MAMDC2: variants seen among roughly 807,000 people sequenced by gnomAD.
The protein encoded by MAMDC2 is MAM domain containing 2.
A neutral mutation model predicts 89.8 loss-of-function variants in MAMDC2; 57 were observed. The observed-to-expected ratio is 0.63, with a 90% CI of 0.51 to 0.79. The LOEUF is 0.79. Among genes scored for constraint, MAMDC2 ranks in the 30% least tolerant of loss-of-function variants. The pLI is 0.00. For missense variants in MAMDC2, 800 were observed against 820.6 expected, an observed-to-expected ratio of 0.97 and a Z score of 0.31; for synonymous variants, 313 against 293.4, an observed-to-expected ratio of 1.07 and a Z score of -0.68.
chr9:70,070,117 T>C (rs1335043823), intron 2 of MAMDC2, among the ~76,000 whole-genome samples: 1 of 152,212 alleles, frequency 6.6e-6, no homozygotes, highest in African/African-American at 2.4e-5. Flanking sequence ...AAATCCTTCC[T>C]TGGCCAGTAA....
At chr9:70,099,938 G>T (rs1828123072) in intron 2 of MAMDC2, among the ~76,000 whole-genome samples, 1 of 150,916 alleles carries the variant, frequency 6.6e-6, no homozygotes, top group African/African-American at 2.4e-5. Flanking sequence ...TTACGCCACT[G>T]CACTCCCGTC....
chr9:70,175,408 A>G (rs1308264920), intron 11 of MAMDC2, among the ~76,000 whole-genome samples: 3 of 152,228 alleles, frequency 2.0e-5, no homozygotes, highest in African/African-American at 7.2e-5. Flanking sequence ...CGTTCTGAGT[A>G]GCCTGATAAA....
chr9:70,164,473 A>C (rs2032098745), intron 9 of MAMDC2, among the ~76,000 whole-genome samples: 1 of 152,124 alleles, frequency 6.6e-6, no homozygotes, highest in Non-Finnish European at 1.5e-5. Context: ...CTCCATCAGG[A>C]CAAACATTTT....
Position 70,170,536 on chromosome 9 carries a change from C to T in MAMDC2, c.1556C>T (p.Thr519Ile), listed in dbSNP as rs777994589. Residue 519 changes from threonine to isoleucine, a missense_variant, in exon 11 of 14, where the codon ACT becomes ATT. Transcript: ENST00000377182. The stretch of plus-strand genomic sequence containing the variant: ...TTCGAGCAAGATGAATGTACATTTA[C>T]TCAGGAGAAAAGAAACCGGAGCAGC... Reference protein sequence around the residue: ...CTFEQDECTFTQEKRNRSSWH... With the variant: ...CTFEQDECTFIQEKRNRSSWH... 2 of 1,613,236 alleles carry T rather than the reference C, an allele frequency of 1.2e-6. No individual in the cohort carries two copies. The highest frequency in any genetic ancestry group is 1.1e-5 in the South Asian group (1 of 90,982).
At chr9:70,099,648 A>G (rs1828111925) in intron 2 of MAMDC2, among the ~76,000 whole-genome samples, 1 of 152,128 alleles carries the variant, frequency 6.6e-6, no homozygotes, top group Non-Finnish European at 1.5e-5. Context: ...TACTTGGAAG[A>G]TCTTCTACAT....
chr9:70,196,416 A>G (rs898193767), intron 11 of MAMDC2, among the ~76,000 whole-genome samples: 1 of 152,146 alleles, frequency 6.6e-6, no homozygotes, highest in Non-Finnish European at 1.5e-5. Context: ...TGAGTGGAAG[A>G]CATGAAAAGA....
chr9:70,135,358 A>G (rs1329615853), intron 7 of MAMDC2, among the ~76,000 whole-genome samples: 1 of 152,106 alleles, frequency 6.6e-6, no homozygotes, highest in African/African-American at 2.4e-5. Flanking sequence ...AAGCCTCTGC[A>G]CCCACTCAGG....
At chr9:70,221,380 T>TATAGAGAGAGAGAG in intron 12 of MAMDC2, among the ~76,000 whole-genome samples, 3 of 7,040 alleles carry the variant, frequency 4.3e-4, no homozygotes, top group African/African-American at 1.3e-3. Context: ...TATATATATA[T>TATAGAGAGAGAGAG]AGAGAGAGAG....
chr9:70,205,885 G>A lies in MAMDC2; in HGVS notation c.1652-12452G>A, dbSNP rs2118646735. On this transcript the variant is annotated intron_variant, in intron 11 of 13. Transcript: ENST00000377182. ...GTAATGTGGTAAAACTTGTCAAACAGGGCTTTTCTCTGCTTTCCAAACACA... is the reference window on the plus strand; with the variant it reads ...GTAATGTGGTAAAACTTGTCAAACAAGGCTTTTCTCTGCTTTCCAAACACA... Among the ~76,000 whole-genome samples, 7 of 152,306 alleles carry A rather than the reference G, an allele frequency of 4.6e-5. 2 individuals are homozygous for A. Among genetic ancestry groups the A allele is most frequent in the Admixed American group, 4.6e-4 (7 of 15,296 alleles).
At chr9:70,217,398 A>T (rs1364276427) in intron 11 of MAMDC2, 1 of 1,333,818 alleles carries the variant, frequency 7.5e-7, no homozygotes, top group East Asian at 2.3e-5. Flanking sequence ...AAGAAATTCA[A>T]AAGAAAAGAA....
intron 9 of MAMDC2, among the ~76,000 whole-genome samples, chr9:70,160,735 A>C (rs2031941667): frequency 6.6e-6 from 1 of 152,186 alleles, no homozygotes; most frequent in African/African-American, 2.4e-5. Context: ...TGCTGTGGAA[A>C]GGAGGAGATA....
At chr9:70,057,341 A>G (rs2118012354) in intron 2 of MAMDC2, among the ~76,000 whole-genome samples, 1 of 152,294 alleles carries the variant, frequency 6.6e-6, no homozygotes, top group Non-Finnish European at 1.5e-5. Context: ...CCTCTTGCCT[A>G]TCAAGTACGC....
At chr9:70,067,408 CT>C (rs1217828771) in intron 2 of MAMDC2, among the ~76,000 whole-genome samples, 1 of 152,178 alleles carries the variant, frequency 6.6e-6, no homozygotes, top group Non-Finnish European at 1.5e-5. Context: ...TCAGGATACT[CT>C]TTTCTGCTTG....
intron 2 of MAMDC2, among the ~76,000 whole-genome samples, chr9:70,107,602 T>G (rs1015381359): frequency 1.3e-5 from 2 of 152,176 alleles, no homozygotes; most frequent in Non-Finnish European, 2.9e-5. Flanking sequence ...GGGAAGGAAG[T>G]CTTATTCCTA....
At chr9:70,067,817 G>A (rs1827303663) in intron 2 of MAMDC2, among the ~76,000 whole-genome samples, 2 of 152,122 alleles carry the variant, frequency 1.3e-5, no homozygotes, top group African/African-American at 4.8e-5. Flanking sequence ...TGCCAGTATG[G>A]CCCACCAGTG....
At chr9:70,052,323 C>T (rs927228193) in intron 2 of MAMDC2, among the ~76,000 whole-genome samples, 3 of 152,206 alleles carry the variant, frequency 2.0e-5, no homozygotes, top group Admixed American at 6.5e-5. Flanking sequence ...TCTCCTCTTC[C>T]TTCCCATTAA....
intron 11 of MAMDC2, among the ~76,000 whole-genome samples, chr9:70,205,393 T>C (rs1017125786): frequency 1.3e-5 from 2 of 152,220 alleles, no homozygotes; most frequent in Non-Finnish European, 2.9e-5. Context: ...AGCGACACCT[T>C]CTACAATTGT....
rs2030543635 is a variant in MAMDC2, at chr9:70,126,303, T to C, written c.788T>C (p.Leu263Pro). 6.2e-7 allele frequency: 1 copy of C among 1,614,170 alleles called. No homozygotes were observed. The highest frequency in any genetic ancestry group is 1.3e-5 in the African/African-American group (1 of 75,060). ...IQQGNDNVFSLYTRDVAGLYE... is the reference protein window; with the variant it reads ...IQQGNDNVFSPYTRDVAGLYE... Reference sequence around the variant, plus strand: ...CAGGGGAATGACAATGTCTTTTCCCTTTACACTCGGGATGTGGCTGGCCTT... The same window carrying C: ...CAGGGGAATGACAATGTCTTTTCCCCTTACACTCGGGATGTGGCTGGCCTT... Residue 263 changes from leucine to proline, a missense_variant, in exon 6 of 14, where the codon CTT (leucine) becomes CCT (proline). Transcript: ENST00000377182.
intron 11 of MAMDC2, among the ~76,000 whole-genome samples, chr9:70,176,457 T>C (rs1327516443): frequency 2.6e-5 from 4 of 152,230 alleles, no homozygotes; most frequent in African/African-American, 7.2e-5. Flanking sequence ...CATGTTATTA[T>C]ATGAATATAT....
Sources: gnomAD v4.1 joint callset for allele counts (sites outside exome capture counted in the v4.1 genomes callset) on GRCh38, gnomAD v4.1.1 for gene constraint, MANE v1.5 for transcripts, NCBI Gene and HGNC (gene_info 2026-07-23, HGNC 2026-07-21) for gene names.